BRD10: variants seen among roughly 807,000 people sequenced by gnomAD.
BRD10 encodes the protein uncharacterized bromodomain-containing protein 10.
chr9:5,896,432 G>A, the BRD10 span, among the ~76,000 whole-genome samples: 4 of 152,120 alleles, frequency 2.6e-5, no homozygotes, highest in Non-Finnish European at 5.9e-5. Context: ...CCCATGGTTC[G>A]CTCTATCCTG....
At chr9:5,939,451 T>G in the BRD10 span, among the ~76,000 whole-genome samples, 6 of 152,306 alleles carry the variant, frequency 3.9e-5, no homozygotes, top group Non-Finnish European at 7.4e-5. Context: ...TTTCCTATAC[T>G]AAGGGAAGCT....
the BRD10 span, chr9:5,923,409 G>C: frequency 1.1e-6 from 1 of 902,408 alleles, no homozygotes; most frequent in African/African-American, 1.7e-5. Context: ...AGCTGGCAGT[G>C]TATTAAGAAA....
At chr9:5,919,822 T>A in the BRD10 span, 62 of 1,613,770 alleles carry the variant, frequency 3.8e-5, no homozygotes, top group Non-Finnish European at 4.9e-5. Context: ...CTGGAGTATT[T>A]ATGGTATTCA....
the BRD10 span, among the ~76,000 whole-genome samples, chr9:5,903,830 T>C: frequency 2.2e-4 from 33 of 152,272 alleles, no homozygotes; most frequent in Admixed American, 2.2e-3. Context: ...TTTTCATTAG[T>C]GTTAGCATGG....
chr9:5,918,249 T>A, the BRD10 span, among the ~76,000 whole-genome samples: 3 of 152,216 alleles, frequency 2.0e-5, no homozygotes, highest in Non-Finnish European at 4.4e-5. Context: ...CACTTTGATG[T>A]AGTCTCAAAG....
At chr9:6,005,756 A>G in the BRD10 span, among the ~76,000 whole-genome samples, 1 of 152,264 alleles carries the variant, frequency 6.6e-6, no homozygotes, top group East Asian at 1.9e-4. Context: ...TGTGAGTCAC[A>G]GCAATAATGC....
chr9:5,890,179 T>G, the BRD10 span, among the ~76,000 whole-genome samples: 1 of 152,226 alleles, frequency 6.6e-6, no homozygotes, highest in Non-Finnish European at 1.5e-5. Flanking sequence ...GCGTGATGAT[T>G]GGGTTTCCAT....
the BRD10 span, chr9:5,988,441 G>A: frequency 2.3e-4 from 374 of 1,613,692 alleles, 2 homozygotes; most frequent in African/African-American, 4.0e-3. Context: ...CAAACTTCGC[G>A]GTGTTGACCG....
At chr9:5,955,493 A>C in the BRD10 span, among the ~76,000 whole-genome samples, 1 of 152,232 alleles carries the variant, frequency 6.6e-6, no homozygotes, top group African/African-American at 2.4e-5. Context: ...ATCTTGCAAG[A>C]AATATGTCAA....
At chr9:5,973,849 T>C in the BRD10 span, among the ~76,000 whole-genome samples, 1 of 152,134 alleles carries the variant, frequency 6.6e-6, no homozygotes, top group Non-Finnish European at 1.5e-5. Context: ...GCCATGGCAC[T>C]CTAGCCTGGG....
chr9:5,953,831 T>A, the BRD10 span, among the ~76,000 whole-genome samples: 2 of 152,174 alleles, frequency 1.3e-5, no homozygotes, highest in Non-Finnish European at 1.5e-5. Context: ...AGGTAAAAAT[T>A]ACGAAATACT....
the BRD10 span, among the ~76,000 whole-genome samples, chr9:5,980,299 T>C: frequency 5.9e-5 from 9 of 152,302 alleles, no homozygotes; most frequent in East Asian, 1.9e-4. Flanking sequence ...CCTGTTGTCC[T>C]ATCAGCATTT....
chr9:5,923,223 T>A, the BRD10 span: 1 of 1,613,988 alleles, frequency 6.2e-7, no homozygotes, highest in Non-Finnish European at 8.5e-7. Context: ...TTAAGCAGTG[T>A]CTTCGGTAAG....
the BRD10 span, among the ~76,000 whole-genome samples, chr9:5,932,976 G>T: frequency 6.6e-6 from 1 of 152,086 alleles, no homozygotes; most frequent in Admixed American, 6.5e-5. Context: ...AAAACAGCAA[G>T]TTCTTCTGTC....
chr9:5,950,787 C>A, the BRD10 span, among the ~76,000 whole-genome samples: 2 of 152,134 alleles, frequency 1.3e-5, no homozygotes, highest in East Asian at 3.9e-4. Flanking sequence ...ATGCTTAAGA[C>A]CTTGATATAA....
At chr9:5,905,770 T>C in the BRD10 span, among the ~76,000 whole-genome samples, 16 of 152,342 alleles carry the variant, frequency 1.1e-4, no homozygotes, top group African/African-American at 3.6e-4. Context: ...TTATGATTTT[T>C]ACCTACAATT....
At chr9:5,970,374 T>C in the BRD10 span, among the ~76,000 whole-genome samples, 1 of 152,140 alleles carries the variant, frequency 6.6e-6, no homozygotes, top group African/African-American at 2.4e-5. Context: ...GAGGTGACAG[T>C]GTTGCAAAAG....
At chr9:5,931,674 A>G in the BRD10 span, among the ~76,000 whole-genome samples, 2 of 152,194 alleles carry the variant, frequency 1.3e-5, no homozygotes, top group Admixed American at 6.5e-5. Flanking sequence ...GAAAATGCTT[A>G]TTAAATCATT....
chr9:5,913,964 G>C, the BRD10 span: 2 of 448,022 alleles, frequency 4.5e-6, no homozygotes, highest in South Asian at 1.6e-5. Flanking sequence ...GAAAGTCTTG[G>C]AAAGAAGCAC....
Sources: allele counts gnomAD v4.1 joint callset (sites outside exome capture counted in the v4.1 genomes callset), GRCh38; gene constraint gnomAD v4.1.1; transcripts MANE v1.5; gene names NCBI Gene and HGNC (gene_info 2026-07-23, HGNC 2026-07-21).